Variants in UBE4B observed in about 807,000 individuals in gnomAD.
UBE4B encodes ubiquitination factor E4B.
Under a neutral mutation model 148.1 loss-of-function variants are expected in UBE4B, and 27 were observed. The ratio of observed to expected loss-of-function variants is 0.18; its 90% confidence interval spans 0.13 to 0.25. The LOEUF (loss-of-function observed/expected upper bound fraction) is 0.25. UBE4B is among the 10% of genes least tolerant of loss of function. UBE4B has a pLI of 1.00. For missense variants in UBE4B, 1,170 were observed against 1,662.4 expected, an observed-to-expected ratio of 0.70 and a Z score of 5.15; for synonymous variants, 596 against 619.3, an observed-to-expected ratio of 0.96 and a Z score of 0.56.
At chr1:10,177,609 T>C (rs573298257) in intron 25 of UBE4B, among the ~76,000 whole-genome samples, 6 of 151,956 alleles carry the variant, frequency 3.9e-5, no homozygotes, top group Non-Finnish European at 8.8e-5. Flanking sequence ...TGAGCCATGA[T>C]TGCACCACTG....
chr1:10,059,696 C>T (rs1287036952), intron 1 of UBE4B: 1 of 153,142 alleles, frequency 6.5e-6, no homozygotes, highest in Admixed American at 6.5e-5. Flanking sequence ...ACAACACCCT[C>T]CCAGTCTGCC....
chr1:10,179,949 A>T lies in UBE4B; in HGVS notation c.3902A>T (p.Asp1301Val). ...TGGATGAGAGAGAAACAGAACAGCG[A>T]TCACTAAACCGTTCCGCCGCCCACC... ...QAWMREKQNSDH is the reference protein window; with the variant it reads ...QAWMREKQNSVH The change falls in exon 28 of 28, where the codon GAT becomes GTT. Residue 1301 changes from aspartate to valine, a missense_variant. Physicochemically the swap from Asp to Val is radical, Grantham distance 152. Transcript: ENST00000343090. 6.2e-7 allele frequency: 1 copy of T among 1,614,172 alleles called. No homozygotes were observed. Among genetic ancestry groups the T allele is most frequent in the Non-Finnish European group, 8.5e-7 (1 of 1,180,028 alleles).
At chr1:10,126,352 TAGAA>T (rs1250815907) in intron 10 of UBE4B, among the ~76,000 whole-genome samples, 125 of 144,330 alleles carry the variant, frequency 8.7e-4, no homozygotes, top group Middle Eastern at 3.6e-3. Flanking sequence ...GATAGATAGA[TAGAA>T]AGGAGGAAAT....
chr1:10,179,319 C>A, intron 26 of UBE4B, 97 bp from the exon 27 acceptor site: 2 of 1,507,082 alleles, frequency 1.3e-6, no homozygotes, highest in South Asian at 1.2e-5. Flanking sequence ...GATTGCTGTT[C>A]CTTTGGATAG....
chr1:10,117,390 C>A (rs1009121773), intron 7 of UBE4B, 69 bp from the exon 8 acceptor site: 4 of 1,599,936 alleles, frequency 2.5e-6, no homozygotes, highest in Non-Finnish European at 3.4e-6. Context: ...CTTTCTGCTG[C>A]AGAAATGCAA....
In UBE4B at chr1:10,168,324, T is replaced by C; in HGVS notation, c.3333+54T>C. 6.3e-7 allele frequency: 1 copy of C among 1,594,036 alleles called. No homozygotes were observed. Among genetic ancestry groups the C allele is most frequent in the African/African-American group, 1.3e-5 (1 of 74,312 alleles). ...TGGTTTGGACTCCACATTCAGACTC[T>C]CTCACTTATAACTTTAGCAGTTGTT... On this transcript the variant is annotated intron_variant, in intron 24 of 27. Transcript: ENST00000343090. This position sits in a 1 kb window ranked among gnomAD's most constrained non-coding sequence, Gnocchi z 4.9.
chr1:10,037,322 C>T (rs1043760495), intron 1 of UBE4B, among the ~76,000 whole-genome samples: 7 of 152,024 alleles, frequency 4.6e-5, no homozygotes, highest in African/African-American at 1.2e-4. Flanking sequence ...CCACTGTGCC[C>T]GGTAGTCTTG....
intron 2 of UBE4B, among the ~76,000 whole-genome samples, chr1:10,088,489 C>G (rs1644797167): frequency 6.6e-6 from 1 of 151,948 alleles, no homozygotes; most frequent in South Asian, 2.1e-4. Flanking sequence ...AATTCTCCTG[C>G]CTCAGCCTCC....
Position 10,149,131 on chromosome 1 carries a change from T to C in UBE4B, c.2592-53T>C. 2.3e-6 allele frequency: 3 copies of C among 1,320,982 alleles called. No homozygotes were observed. The South Asian group carries it at 4.0e-5, about 18-fold the overall frequency. The allele number at this position is 1,320,982 out of a possible 1,614,324, so 81.8% of individuals were successfully genotyped here. On this transcript the variant is annotated intron_variant, in intron 19 of 27. Coordinates refer to ENST00000343090, the MANE Select transcript of UBE4B (RefSeq NM_001105562.3). ...GATGGTAATGTAATACTCCTTGTAG[T>C]TTGATGTACCATAATTTCATTTAAT...
chr1:10,049,725 A>G (rs1374172900), intron 1 of UBE4B, among the ~76,000 whole-genome samples: 2 of 151,956 alleles, frequency 1.3e-5, no homozygotes, highest in East Asian at 3.9e-4. Context: ...ACATAGGGAG[A>G]CCCCATATGT....
intron 16 of UBE4B, 22 bp from the exon 17 acceptor site, chr1:10,137,045 G>C: frequency 6.2e-7 from 1 of 1,613,398 alleles, no homozygotes; most frequent in Non-Finnish European, 8.5e-7. Context: ...TTTTATTTAG[G>C]GAATGATGTT....
At position 10,130,807 on chromosome 1, in the gene UBE4B, C is replaced by G. The variant is rs141707832; in HGVS notation, c.1905C>G (p.Leu635=). 8.1e-6 allele frequency: 13 copies of G among 1,613,918 alleles called. No individual in the cohort carries two copies. Among genetic ancestry groups the G allele is most frequent in the Non-Finnish European group, 1.1e-5 (13 of 1,179,874 alleles). The change falls in exon 14 of 28, where the codon CTC becomes CTG. Residue 635 remains leucine, a synonymous_variant. Coordinates refer to ENST00000343090, the MANE Select transcript of UBE4B (RefSeq NM_001105562.3). ...AATCATTGCAGCATTACTTAGAGCT[C>G]GGAAGGGTAAGTGTTCAGAAAACAA... ...VSQSLQHYLE[L]GRQELFKILH... is the part of the protein sequence containing the mutation.
chr1:10,051,953 G>A (rs1314780519), intron 1 of UBE4B, among the ~76,000 whole-genome samples: 1 of 152,152 alleles, frequency 6.6e-6, no homozygotes, highest in Non-Finnish European at 1.5e-5. Context: ...GGTATCTTTT[G>A]GGTCCTAGAT....
chr1:10,117,240 A>G (rs1645327688), intron 7 of UBE4B, among the ~76,000 whole-genome samples: 1 of 152,194 alleles, frequency 6.6e-6, no homozygotes, highest in African/African-American at 2.4e-5. Context: ...ACCTGCAGTA[A>G]GAAGCAGCCC....
At chr1:10,035,627 C>T (rs1643488898) in intron 1 of UBE4B, among the ~76,000 whole-genome samples, 1 of 148,790 alleles carries the variant, frequency 6.7e-6, no homozygotes, top group Non-Finnish European at 1.5e-5. Flanking sequence ...AGGATGGTCT[C>T]GATTTCCTGA....
intron 1 of UBE4B, among the ~76,000 whole-genome samples, chr1:10,035,219 C>A (rs949000481): frequency 2.0e-5 from 3 of 150,536 alleles, no homozygotes; most frequent in Non-Finnish European, 4.4e-5. Context: ...GGATGGTCTC[C>A]ATCTCTTGAC....
At chr1:10,066,721 C>T (rs1413031289) in intron 1 of UBE4B, among the ~76,000 whole-genome samples, 2 of 151,974 alleles carry the variant, frequency 1.3e-5, no homozygotes, top group African/African-American at 2.4e-5. Flanking sequence ...GCCTGACCAA[C>T]AAGGTGAAAC....
At chr1:10,156,029 CAAAA>C (rs750295704) in intron 21 of UBE4B, among the ~76,000 whole-genome samples, 4 of 85,882 alleles carry the variant, frequency 4.7e-5, no homozygotes, top group Admixed American at 4.1e-4. Context: ...GACTCCATCT[CAAAA>C]AAAAAAAAAA....
In UBE4B at chr1:10,102,952, C is replaced by A. The variant is rs1350555110; in HGVS notation, c.440C>A (p.Pro147His). The A allele has an allele frequency of 2.5e-6, 4 of 1,603,422 alleles. No individual in the cohort carries two copies. The highest frequency in any genetic ancestry group is 1.7e-4 in the Middle Eastern group (1 of 5,884). Residue 147 changes from proline to histidine, a missense_variant, in exon 5 of 28, where the codon CCT becomes CAT. Around this residue, in one of 6 missense-constraint regions of UBE4B, gnomAD observed 91 missense variants for 120.5 expected, o/e 0.76. Transcript: ENST00000343090. ...GCAAATCTTCTTCTTCACCAGGAGC[C>A]TTCCTCGGGCCCTGAAGTGTCTGAA... ...REKRSLSDKE[P>H]SSGPEVSEEQ...
Sources: gnomAD v4.1 joint callset for allele counts (sites outside exome capture counted in the v4.1 genomes callset) on GRCh38, gnomAD v4.1.1 for gene constraint, gnomAD v4.1.1 regional missense constraint, Gnocchi (gnomAD v3.1) non-coding constraint, MANE v1.5 for transcripts, NCBI Gene and HGNC (gene_info 2026-07-23, HGNC 2026-07-21) for gene names.